LY96: variants seen among roughly 807,000 people sequenced by gnomAD.
LY96 encodes the protein lymphocyte antigen 96.
Under a neutral mutation model 18.9 loss-of-function variants are expected in LY96, and 18 were observed. The ratio of observed to expected loss-of-function variants is 0.95; its 90% CI spans 0.66 to 1.41. LY96 has a LOEUF of 1.41. Ranked by LOEUF, LY96 falls within the 40% of genes most tolerant of loss-of-function variation. LY96 has a pLI of 0.00. For synonymous variants in LY96, 66 were observed against 62.6 expected (o/e 1.06, Z -0.26); for missense variants, 175 against 182.4 (o/e 0.96, Z 0.23).
At chr8:74,039,576 G>T in the LY96 span, among the ~76,000 whole-genome samples, 1 of 152,266 alleles carries the variant, frequency 6.6e-6, no homozygotes, top group Admixed American at 6.5e-5. Flanking sequence ...AGACAAGCGG[G>T]GCAGGGTAAG....
the LY96 span, among the ~76,000 whole-genome samples, chr8:74,044,513 G>A: frequency 1.3e-5 from 2 of 152,052 alleles, no homozygotes; most frequent in Non-Finnish European, 2.9e-5. Flanking sequence ...TGTTCTTACA[G>A]CTTAGCCAGA....
chr8:74,013,713 T>C (rs1816579416), intron 3 of LY96, among the ~76,000 whole-genome samples: 3 of 152,112 alleles, frequency 2.0e-5, no homozygotes. Context: ...GGAAAAACAT[T>C]CCCTGGAGAG....
chr8:74,075,358 C>T, the LY96 span, among the ~76,000 whole-genome samples: 1 of 152,184 alleles, frequency 6.6e-6, no homozygotes, highest in African/African-American at 2.4e-5. Flanking sequence ...GCAGCCTCGA[C>T]CTTCTGGGCT....
the LY96 span, among the ~76,000 whole-genome samples, chr8:74,069,713 C>T: frequency 1.3e-5 from 2 of 152,040 alleles, no homozygotes; most frequent in African/African-American, 2.4e-5. Flanking sequence ...AGCGATTCTC[C>T]CCTCTCAGCC....
chr8:73,996,432 T>TCTTTC (rs957044402), intron 1 of LY96, among the ~76,000 whole-genome samples: 2 of 116,866 alleles, frequency 1.7e-5, no homozygotes, highest in African/African-American at 3.1e-5. Context: ...TTTCTTTCTT[T>TCTTTC]CTTTCTTTTT....
the LY96 span, among the ~76,000 whole-genome samples, chr8:74,090,497 T>C: frequency 6.6e-6 from 1 of 152,256 alleles, no homozygotes; most frequent in Non-Finnish European, 1.5e-5. Context: ...CAATGTTTTA[T>C]AGTTTCTATT....
chr8:74,002,129 C>G, intron 1 of LY96, among the ~76,000 whole-genome samples: 1 of 124,858 alleles, frequency 8.0e-6, no homozygotes, highest in Admixed American at 8.8e-5. Context: ...CTCTCTCTCT[C>G]TCTTTCTTTC....
At chr8:74,032,950 G>C (rs140539766), downstream of LY96, among the ~76,000 whole-genome samples, 8 of 152,270 alleles carry the variant, frequency 5.3e-5, no homozygotes, top group East Asian at 1.5e-3. Context: ...TGAAGCAGTT[G>C]ATATGCTTCA....
At chr8:74,068,159 A>G in the LY96 span, among the ~76,000 whole-genome samples, 7 of 148,974 alleles carry the variant, frequency 4.7e-5, no homozygotes, top group South Asian at 2.1e-4. Flanking sequence ...GCATCTGCCA[A>G]TCTGGGTCCA....
chr8:74,040,222 T>G, the LY96 span, among the ~76,000 whole-genome samples: 43 of 152,266 alleles, frequency 2.8e-4, no homozygotes, highest in African/African-American at 1.0e-3. Context: ...ATAATGTCCA[T>G]GATCATCTCT....
At chr8:74,017,447 G>A (rs941728194) in intron 3 of LY96, among the ~76,000 whole-genome samples, 12 of 152,178 alleles carry the variant, frequency 7.9e-5, no homozygotes, top group African/African-American at 2.9e-4. Flanking sequence ...GAAAGTGATG[G>A]TGAGAATGGA....
the LY96 span, among the ~76,000 whole-genome samples, chr8:74,060,282 A>G: frequency 6.6e-6 from 1 of 152,262 alleles, no homozygotes; most frequent in East Asian, 1.9e-4. Context: ...ATAACAAACA[A>G]TTGATATCCA....
chr8:74,047,869 C>T, the LY96 span, among the ~76,000 whole-genome samples: 3 of 149,080 alleles, frequency 2.0e-5, no homozygotes, highest in African/African-American at 7.5e-5. Context: ...TAACCATTTC[C>T]CACTGTTTTA....
the LY96 span, among the ~76,000 whole-genome samples, chr8:74,088,599 A>G: frequency 6.6e-6 from 1 of 151,858 alleles, no homozygotes; most frequent in Non-Finnish European, 1.5e-5. Context: ...TTATTTATTT[A>G]TTTATTGAGA....
At chr8:74,074,158 C>T in the LY96 span, among the ~76,000 whole-genome samples, 1 of 151,984 alleles carries the variant, frequency 6.6e-6, no homozygotes, top group Admixed American at 6.6e-5. Flanking sequence ...CCACCATGTT[C>T]AGCTAATGTT....
At chr8:74,015,550 A>AG (rs1300092185) in intron 3 of LY96, among the ~76,000 whole-genome samples, 1 of 152,242 alleles carries the variant, frequency 6.6e-6, no homozygotes, top group African/African-American at 2.4e-5. Flanking sequence ...ATATTGGACT[A>AG]GGGCCCACCC....
At chr8:73,996,372 C>CCTTCCTTCCTTCCTTCCTTCCTTCCTTT (rs1816135382) in intron 1 of LY96, among the ~76,000 whole-genome samples, 1 of 110,910 alleles carries the variant, frequency 9.0e-6, no homozygotes, top group Non-Finnish European at 1.9e-5. Context: ...TTCCTTCATT[C>CCTTCCTTCCTTCCTTCCTTCCTTCCTTT]CTTTCTTTCT....
At chr8:74,038,349 C>G in the LY96 span, among the ~76,000 whole-genome samples, 2 of 152,158 alleles carry the variant, frequency 1.3e-5, no homozygotes, top group East Asian at 3.9e-4. Flanking sequence ...GTGCCACCCC[C>G]CGTTCCCAGC....
the LY96 span, among the ~76,000 whole-genome samples, chr8:74,080,226 C>A: frequency 6.6e-6 from 1 of 152,138 alleles, no homozygotes; most frequent in Non-Finnish European, 1.5e-5. Flanking sequence ...GTAAATGGGG[C>A]TTGGAATCAA....
Sources: gnomAD v4.1 joint callset for allele counts (sites outside exome capture counted in the v4.1 genomes callset) on GRCh38, gnomAD v4.1.1 for gene constraint, MANE v1.5 for transcripts, NCBI Gene and HGNC (gene_info 2026-07-23, HGNC 2026-07-21) for gene names.